NAV2: variants seen among roughly 807,000 people sequenced by gnomAD.
The protein encoded by NAV2 is neuron navigator 2, also known as helicase, APC down-regulated 1.
A neutral mutation model predicts 223.2 loss-of-function variants in NAV2; 54 were observed. The ratio of observed to expected loss-of-function variants is 0.24; its 90% confidence interval spans 0.19 to 0.30. NAV2 has a LOEUF of 0.30. Ranked by LOEUF, NAV2 falls within the 10% of genes least tolerant of loss-of-function variation. The probability of loss-of-function intolerance (pLI) is 1.00; values close to 1 mark genes in which losing one functional copy is unlikely to be tolerated. For synonymous variants in NAV2, 1,279 were observed against 1,239.3 expected, an observed-to-expected ratio of 1.03 and a Z score of -0.67; for missense variants, 2,806 against 3,147.5, an observed-to-expected ratio of 0.89 and a Z score of 2.60.
chr11:19,409,293 G>A (rs924910403), intron 1 of NAV2, among the ~76,000 whole-genome samples: 1 of 152,224 alleles, frequency 6.6e-6, no homozygotes, highest in Non-Finnish European at 1.5e-5. Context: ...GGTGTTTTAT[G>A]TGATTTTCAG....
At chr11:19,431,386 C>G (rs1851030540) in intron 1 of NAV2, among the ~76,000 whole-genome samples, 1 of 152,156 alleles carries the variant, frequency 6.6e-6, no homozygotes, top group South Asian at 2.1e-4. Flanking sequence ...GGAGGAGGTC[C>G]TGGGGGTGGG....
chr11:19,536,257 CAG>C (rs1318311088), intron 1 of NAV2, among the ~76,000 whole-genome samples: 4 of 152,170 alleles, frequency 2.6e-5, no homozygotes, highest in Non-Finnish European at 5.9e-5. Context: ...TCCAGCTAGT[CAG>C]AGGCCCAGCT....
chr11:19,597,440 T>G (rs1369819841), intron 1 of NAV2, among the ~76,000 whole-genome samples: 2 of 152,158 alleles, frequency 1.3e-5, no homozygotes, highest in African/African-American at 4.8e-5. Context: ...CGCTGCCCCA[T>G]CTTACTACTG....
chr11:19,797,391 A>G (rs542721493), intron 1 of NAV2, among the ~76,000 whole-genome samples: 1 of 152,266 alleles, frequency 6.6e-6, no homozygotes, highest in East Asian at 1.9e-4. Flanking sequence ...TCCCATCCCC[A>G]TATTGCACAG....
intron 5 of NAV2, among the ~76,000 whole-genome samples, chr11:19,890,627 A>G (rs924348050): frequency 2.0e-5 from 3 of 152,142 alleles, no homozygotes; most frequent in Non-Finnish European, 4.4e-5. Flanking sequence ...TGTCTGGTTT[A>G]AAAAGTCCAG....
rs183880129 is a variant in NAV2 at position 19,554,769 on chromosome 11, C to A, written c.75+203742C>A. Among the ~76,000 whole-genome samples the A allele has an allele frequency of 5.3e-5, 8 of 152,078 alleles. No individual in the cohort carries two copies. The East Asian group carries it at 1.2e-3, about 22-fold the overall frequency. On this transcript the variant is annotated intron_variant, in intron 1 of 37. Transcript: ENST00000360655. The stretch of plus-strand genomic sequence containing the variant: ...ATCACCTGAGGTCGGGAGTTCGAGA[C>A]CAGCCTGACCAACATGGAGAAACCC...
intron 1 of NAV2, among the ~76,000 whole-genome samples, chr11:19,481,773 T>G (rs1308652148): frequency 6.6e-6 from 1 of 152,202 alleles, no homozygotes; most frequent in African/African-American, 2.4e-5. Flanking sequence ...TGTAGTTGAG[T>G]GTATTGATAT....
At chr11:19,896,845 C>T (rs2042020914) in intron 6 of NAV2, among the ~76,000 whole-genome samples, 1 of 152,202 alleles carries the variant, frequency 6.6e-6, no homozygotes, top group Admixed American at 6.5e-5. Flanking sequence ...GGATCTAGAA[C>T]TAGAAATACC....
chr11:19,979,565 G>A (rs1224900690), intron 10 of NAV2, among the ~76,000 whole-genome samples: 1 of 152,160 alleles, frequency 6.6e-6, no homozygotes, highest in Admixed American at 6.5e-5. Flanking sequence ...AACTTAAACA[G>A]CACTCCTCTG....
At chr11:19,374,904 C>T (rs1848592298) in intron 1 of NAV2, among the ~76,000 whole-genome samples, 1 of 152,182 alleles carries the variant, frequency 6.6e-6, no homozygotes, top group African/African-American at 2.4e-5. Flanking sequence ...TTGCCCCATC[C>T]CCTTCCTGAT....
intron 31 of NAV2, 25 bp from the exon 32 acceptor site, chr11:20,100,912 T>G: frequency 6.2e-7 from 1 of 1,600,408 alleles, no homozygotes; most frequent in Non-Finnish European, 8.6e-7. Flanking sequence ...GGGCTTCAGA[T>G]GATTCCTGTC....
chr11:19,484,127 A>AACACACACACACACACACACACACAC (rs58138697), intron 1 of NAV2, among the ~76,000 whole-genome samples: 3 of 144,792 alleles, frequency 2.1e-5, no homozygotes, highest in Non-Finnish European at 3.0e-5. Flanking sequence ...ACTGATCACA[A>AACACACACACACACACACACACACAC]ACACACACAC....
intron 1 of NAV2, among the ~76,000 whole-genome samples, chr11:19,726,352 C>G (rs1186720508): frequency 6.6e-6 from 1 of 152,174 alleles, no homozygotes; most frequent in East Asian, 1.9e-4. Flanking sequence ...CAAAGCCTTC[C>G]TATTGACTCT....
intron 11 of NAV2, among the ~76,000 whole-genome samples, chr11:19,997,638 A>G (rs988840346): frequency 6.6e-5 from 10 of 152,182 alleles, no homozygotes; most frequent in African/African-American, 2.2e-4. Flanking sequence ...CAGTGAGCTT[A>G]TGTGACTTGC....
chr11:19,513,001 G>T (rs556400153), intron 1 of NAV2, among the ~76,000 whole-genome samples: 1 of 152,162 alleles, frequency 6.6e-6, no homozygotes, highest in Non-Finnish European at 1.5e-5. Flanking sequence ...AGGACGATAC[G>T]TAACTCTACC....
At chr11:19,853,291 G>T (rs2061243273) in intron 3 of NAV2, among the ~76,000 whole-genome samples, 1 of 152,228 alleles carries the variant, frequency 6.6e-6, no homozygotes, top group African/African-American at 2.4e-5. Flanking sequence ...GCTGGGATAT[G>T]ACTGAGCAAA....
At position 19,778,706 on chromosome 11, in the gene NAV2, A is replaced by C. The variant is rs115077613; in HGVS notation, c.268-53778A>C. Reference sequence around the variant, plus strand: ...CCTAACTTTAAGCTACTATTTTACAACTTCATTTAATGTGCTGTAACATTA... The same window carrying C: ...CCTAACTTTAAGCTACTATTTTACACCTTCATTTAATGTGCTGTAACATTA... On this transcript the variant is annotated intron_variant, in intron 1 of 37. Transcript: ENST00000349880. Among the ~76,000 whole-genome samples, 1,157 of 152,232 alleles carry C rather than the reference A, an allele frequency of 7.6e-3. 14 individuals carry two copies. Among genetic ancestry groups the C allele is most frequent in the African/African-American group, 0.026 (1,093 of 41,524 alleles).
intron 6 of NAV2, among the ~76,000 whole-genome samples, chr11:19,898,969 C>T (rs1188601067): frequency 2.0e-5 from 3 of 152,178 alleles, no homozygotes; most frequent in Non-Finnish European, 2.9e-5. Context: ...CAAAAAAGCA[C>T]TTGAGTTTGA....
intron 1 of NAV2, among the ~76,000 whole-genome samples, chr11:19,808,709 T>C (rs1314704311): frequency 2.6e-5 from 4 of 152,210 alleles, no homozygotes; most frequent in African/African-American, 9.6e-5. Flanking sequence ...AGAATAGAAA[T>C]GCTGCCACCT....
Sources: gnomAD v4.1 joint callset for allele counts (sites outside exome capture counted in the v4.1 genomes callset) on GRCh38, gnomAD v4.1.1 for gene constraint, MANE v1.5 for transcripts, NCBI Gene and HGNC (gene_info 2026-07-23, HGNC 2026-07-21) for gene names.